Variants in BCOR observed in about 807,000 individuals in gnomAD.
The protein encoded by BCOR is BCL6 corepressor.
A neutral mutation model predicts 86.7 loss-of-function variants in BCOR; 10 were observed. The observed-to-expected ratio is 0.12, with a 90% confidence interval of 0.07 to 0.20. The LOEUF (loss-of-function observed/expected upper bound fraction) is 0.20. BCOR is among the 10% of genes least tolerant of loss of function. The pLI, the probability that BCOR is intolerant of heterozygous loss-of-function variation, is 1.00. For missense variants in BCOR, 1,259 were observed against 1,452.1 expected (o/e 0.87, Z 2.16); for synonymous variants, 611 against 609.0 (o/e 1.00, Z -0.05).
rs780030734 is a variant in BCOR at position 40,077,295 on chromosome X, G to A, written c.86+549C>T. 7 of 142,534 alleles carry A rather than the reference G, an allele frequency of 4.9e-5. No individual in the cohort carries two copies. In the East Asian group the frequency reaches 1.4e-3, roughly 29 times the overall value. The allele number at this position is 142,534 out of a possible 1,213,427, so 11.7% of individuals were successfully genotyped here. On this transcript the variant is annotated intron_variant, in intron 2 of 14. Transcript: ENST00000378444. ...AGAGGAAAAGTTTCCTCATTACCCC[G>A]AAGAGCAGCTTCAATCATCTACTGC...
rs1937858785 is a variant in BCOR, at chrX:40,139,490, TA to T, written c.-41+37516del. On this transcript the variant is annotated intron_variant, in intron 1 of 14. Coordinates refer to the BCOR transcript ENST00000342274. The stretch of plus-strand genomic sequence containing the variant: ...ATATATATATATATATATATATATA[TA>T]TATATATTTTTTTTTTTTTTTAAGC... Among the ~76,000 whole-genome samples, 16 of 13,688 alleles carry T rather than the reference TA, an allele frequency of 1.2e-3. 4 individuals carry two copies. The highest frequency in any genetic ancestry group is 6.8e-3 in the East Asian group (4 of 586). The allele number at this position is 13,688 out of a possible 115,157, so 11.9% of individuals were successfully genotyped here.
chrX:40,076,855 A>G, intron 2 of BCOR: 2 of 327,946 alleles, frequency 6.1e-6, no homozygotes, highest in East Asian at 1.8e-4. Context: ...AAGTAGGCCA[A>G]TCGGAGCTCG....
chrX:40,110,661 C>CTTTT (rs1569182584), intron 1 of BCOR, among the ~76,000 whole-genome samples: 4 of 24,670 alleles, frequency 1.6e-4, no homozygotes, highest in East Asian at 2.4e-3. Context: ...TTCTTTTTTC[C>CTTTT]TTTTTCTTTT....
At chrX:40,108,236 C>G (rs1272751063) in intron 1 of BCOR, among the ~76,000 whole-genome samples, 3 of 112,319 alleles carry the variant, frequency 2.7e-5, no homozygotes, top group Non-Finnish European at 5.6e-5. Flanking sequence ...AGGGTTTGCC[C>G]CGACACAGCT....
In BCOR at chrX:40,107,962, G is replaced by A. The variant is rs756844032; in HGVS notation, c.-40-29993C>T. 2.5e-4 allele frequency among the ~76,000 whole-genome samples: 28 copies of A among 113,477 alleles called. No individual in the cohort carries two copies. In the East Asian group the frequency reaches 3.3e-3, roughly 13 times the overall value. ...CGATTGTCGGAGCGGTTTGATTTAG[G>A]GTGTTTGTGTTGCCTTCTACAAGAA... is the stretch of plus-strand genomic sequence containing the variant. On this transcript the variant is annotated intron_variant, in intron 1 of 14. Transcript: ENST00000342274.
chrX:40,154,242 TCCCCCTCCTCG>T (rs1367551084), intron 1 of BCOR, among the ~76,000 whole-genome samples: 2 of 49,708 alleles, frequency 4.0e-5, no homozygotes, highest in Non-Finnish European at 8.2e-5. Context: ...TGCCCGCCCC[TCCCCCTCCTCG>T]CCCCCTCCCC....
intron 1 of BCOR, among the ~76,000 whole-genome samples, chrX:40,172,655 G>C (rs748891146): frequency 2.7e-5 from 3 of 113,146 alleles, no homozygotes; most frequent in Non-Finnish European, 5.6e-5. Context: ...TGACGAACTG[G>C]GCTCTCCAGT....
At chrX:40,099,932 G>C (rs1220176729), upstream of BCOR, among the ~76,000 whole-genome samples, 1 of 112,267 alleles carries the variant, frequency 8.9e-6, no homozygotes, top group Admixed American at 9.4e-5. Flanking sequence ...AGCGCCTGCA[G>C]AATGGAATGC....
Position 40,053,905 on chromosome X carries a change from G to C in BCOR, c.4957C>G (p.Gln1653Glu). 8.3e-7 allele frequency: 1 copy of C among 1,211,152 alleles called. No individual in the cohort carries two copies. The highest frequency in any genetic ancestry group is 1.1e-6 in the Non-Finnish European group (1 of 895,246). Residue 1653 changes from glutamine (Q) to glutamate (E), a missense_variant, in exon 14 of 15, where the codon CAA becomes GAA. Physicochemically the swap from Gln to Glu is conservative, Grantham distance 29 (BLOSUM62 2). Coordinates refer to ENST00000378444, the MANE Select transcript of BCOR (RefSeq NM_001123385.2). Reference sequence around the variant, plus strand: ...GCTCACCCCTGAGCCACAGATACTTGGATGTTATAACACGGTAAGAGGGGG... The same window carrying C: ...GCTCACCCCTGAGCCACAGATACTTCGATGTTATAACACGGTAAGAGGGGG... ...ETPLLPCYNI[Q>E]VSVAQGPRNW...
At chrX:40,176,617 C>T (rs1014947466) in intron 1 of BCOR, among the ~76,000 whole-genome samples, 2 of 111,504 alleles carry the variant, frequency 1.8e-5, no homozygotes, top group Admixed American at 9.3e-5. Flanking sequence ...TCGTCCGGCC[C>T]GTGCCGCACC....
intron 1 of BCOR, among the ~76,000 whole-genome samples, chrX:40,166,309 C>T (rs1287685965): frequency 8.0e-5 from 9 of 112,225 alleles, no homozygotes; most frequent in Admixed American, 7.5e-4. Context: ...CCTCTGAATT[C>T]GGGTTGGTGG....
At chrX:40,110,644 CTTTTT>C (rs1569182561) in intron 1 of BCOR, among the ~76,000 whole-genome samples, 2 of 43,234 alleles carry the variant, frequency 4.6e-5, no homozygotes, top group East Asian at 1.8e-3. Flanking sequence ...CTTTTCTTTT[CTTTTT>C]TTTCTTTTTT....
At chrX:40,136,036 G>A (rs1228476132) in intron 1 of BCOR, among the ~76,000 whole-genome samples, 8 of 111,847 alleles carry the variant, frequency 7.2e-5, no homozygotes, top group Admixed American at 9.5e-5. Context: ...TCATCCCACC[G>A]ATGTCAGGCC....
At chrX:40,175,059 T>C (rs1214738960) in intron 1 of BCOR, among the ~76,000 whole-genome samples, 1 of 107,382 alleles carries the variant, frequency 9.3e-6, no homozygotes, top group Non-Finnish European at 1.9e-5. Context: ...GAAGCGCCCA[T>C]CCTCCCCAAG....
intron 1 of BCOR, among the ~76,000 whole-genome samples, chrX:40,160,527 A>T (rs908713082): frequency 1.8e-5 from 2 of 109,693 alleles, no homozygotes; most frequent in Admixed American, 1.9e-4. Flanking sequence ...AAAAAAAAAA[A>T]AAAAAATCAG....
chrX:40,122,164 TG>T (rs1864781092), intron 1 of BCOR, among the ~76,000 whole-genome samples: 1 of 111,553 alleles, frequency 9.0e-6, no homozygotes, highest in Non-Finnish European at 1.9e-5. Flanking sequence ...CTGGAAATGC[TG>T]TGAAAATGGT....
In BCOR at chrX:40,092,357, G is replaced by A. The variant is rs1024037470; in HGVS notation, c.-41+4858C>T. Among the ~76,000 whole-genome samples, 3 of 111,442 alleles carry A rather than the reference G, an allele frequency of 2.7e-5. No homozygotes were observed. The Admixed American group carries it at 2.8e-4, about 10-fold the overall frequency. ...AGAGGGACCGCAGCAAATCGACGCC[G>A]CGGGCAAGCCATACCCTAGCCGGAG... is the stretch of plus-strand genomic sequence containing the variant. On this transcript the variant is annotated intron_variant, in intron 1 of 14. Coordinates refer to ENST00000378444, the MANE Select transcript of BCOR (RefSeq NM_001123385.2).
At chrX:40,147,431 TTC>T (rs1938083627) in intron 1 of BCOR, among the ~76,000 whole-genome samples, 1 of 112,595 alleles carries the variant, frequency 8.9e-6, no homozygotes, top group Non-Finnish European at 1.9e-5. Context: ...CCGGGGATAT[TTC>T]TGTTTGGGGG....
At chrX:40,060,071 G>A (rs1410470691) in intron 10 of BCOR, among the ~76,000 whole-genome samples, 2 of 111,917 alleles carry the variant, frequency 1.8e-5, no homozygotes, top group East Asian at 2.8e-4. Context: ...ATAAAGAGGG[G>A]TTTTGGGAAA....
Sources: gnomAD v4.1 joint callset for allele counts (sites outside exome capture counted in the v4.1 genomes callset) on GRCh38, gnomAD v4.1.1 for gene constraint, MANE v1.5 for transcripts, NCBI Gene and HGNC (gene_info 2026-07-23, HGNC 2026-07-21) for gene names.